ADGRB3: variants seen among roughly 807,000 people sequenced by gnomAD.
The protein encoded by ADGRB3 is adhesion G protein-coupled receptor B3.
In ADGRB3, 37 loss-of-function variants were observed where a neutral mutation model predicts 193.4. The observed-to-expected ratio is 0.19, with a 90% CI of 0.15 to 0.25. ADGRB3 has a LOEUF of 0.25. Among genes scored for constraint, ADGRB3 ranks in the 10% least tolerant of loss-of-function variants. The probability of loss-of-function intolerance (pLI) is 1.00; values close to 1 mark genes in which losing one functional copy is unlikely to be tolerated. For missense variants in ADGRB3, 1,637 were observed against 1,852.9 expected, an observed-to-expected ratio of 0.88 and a Z score of 2.14; for synonymous variants, 690 against 644.2, an observed-to-expected ratio of 1.07 and a Z score of -1.08.
chr6:68,649,215 T>C (rs544979896), intron 3 of ADGRB3, among the ~76,000 whole-genome samples: 8 of 152,270 alleles, frequency 5.3e-5, no homozygotes, highest in African/African-American at 1.9e-4. Flanking sequence ...TATTCAGACT[T>C]ATAAAGATCT....
At chr6:68,660,885 A>G (rs1289980257) in intron 3 of ADGRB3, among the ~76,000 whole-genome samples, 1 of 151,162 alleles carries the variant, frequency 6.6e-6, no homozygotes, top group Non-Finnish European at 1.5e-5. Context: ...CACAATTTAT[A>G]TGAAATAAGC....
chr6:69,294,444 A>G (rs982106712), intron 20 of ADGRB3, among the ~76,000 whole-genome samples: 6 of 152,068 alleles, frequency 3.9e-5, no homozygotes, highest in Non-Finnish European at 5.9e-5. Flanking sequence ...ATATTTCAAC[A>G]TGCCAAGCAG....
At chr6:69,034,221 A>G (rs936722123) in intron 13 of ADGRB3, among the ~76,000 whole-genome samples, 2 of 151,754 alleles carry the variant, frequency 1.3e-5, no homozygotes, top group Non-Finnish European at 2.9e-5. Context: ...CTTCCTCTCT[A>G]CTTTCTACAT....
chr6:69,355,968 T>A, intron 28 of ADGRB3, 108 bp downstream of exon 28: 1 of 937,452 alleles, frequency 1.1e-6, no homozygotes. Context: ...TATTGTTCTG[T>A]GAAAGGGCTG....
At chr6:69,067,066 T>A (rs1410058030) in intron 16 of ADGRB3, among the ~76,000 whole-genome samples, 1 of 152,106 alleles carries the variant, frequency 6.6e-6, no homozygotes, top group African/African-American at 2.4e-5. Context: ...AGCCTGAAAA[T>A]GCATACTTTT....
intron 3 of ADGRB3, among the ~76,000 whole-genome samples, chr6:68,888,733 T>C (rs1188879765): frequency 2.0e-5 from 3 of 152,142 alleles, no homozygotes; most frequent in African/African-American, 7.2e-5. Context: ...GGGTGGTCAT[T>C]GAAGAAGACT....
intron 13 of ADGRB3, among the ~76,000 whole-genome samples, chr6:69,034,392 T>C (rs1332281468): frequency 1.3e-5 from 2 of 151,542 alleles, no homozygotes; most frequent in Admixed American, 6.6e-5. Context: ...TTTAGAAATA[T>C]GGAATATTTA....
chr6:68,680,006 C>T (rs1191503747), intron 3 of ADGRB3, among the ~76,000 whole-genome samples: 1 of 152,058 alleles, frequency 6.6e-6, no homozygotes, highest in Non-Finnish European at 1.5e-5. Flanking sequence ...GATTAGCGCC[C>T]TTACAAAAGT....
intron 5 of ADGRB3, among the ~76,000 whole-genome samples, chr6:68,939,209 TTTAAA>T (rs1342874199): frequency 3.3e-5 from 5 of 152,160 alleles, no homozygotes; most frequent in East Asian, 1.9e-4. Context: ...CTTAAAGATT[TTTAAA>T]TTAAAGTTTT....
At chr6:69,164,857 T>A (rs1458940515) in intron 17 of ADGRB3, among the ~76,000 whole-genome samples, 1 of 152,068 alleles carries the variant, frequency 6.6e-6, no homozygotes. Context: ...CAAAGCTCTT[T>A]AAGGGCTTTC....
At chr6:69,130,651 A>C (rs1773984621) in intron 17 of ADGRB3, among the ~76,000 whole-genome samples, 1 of 151,150 alleles carries the variant, frequency 6.6e-6, no homozygotes, top group African/African-American at 2.4e-5. Flanking sequence ...GTCTTTTTTA[A>C]CTACACTGGT....
intron 17 of ADGRB3, among the ~76,000 whole-genome samples, chr6:69,123,906 G>GTTT (rs1453579818): frequency 6.6e-6 from 1 of 152,124 alleles, no homozygotes; most frequent in Non-Finnish European, 1.5e-5. Flanking sequence ...ATTACTTGGA[G>GTTT]TAAAGAACCA....
intron 17 of ADGRB3, among the ~76,000 whole-genome samples, chr6:69,218,635 G>T (rs960873792): frequency 6.6e-6 from 1 of 152,070 alleles, no homozygotes; most frequent in Non-Finnish European, 1.5e-5. Flanking sequence ...CCTGTTCTTT[G>T]TGCTTGACTT....
At chr6:69,096,262 G>A (rs778732354) in intron 17 of ADGRB3, among the ~76,000 whole-genome samples, 1 of 151,676 alleles carries the variant, frequency 6.6e-6, no homozygotes, top group Non-Finnish European at 1.5e-5. Context: ...TGATGCCTAA[G>A]ATCAGGTTTT....
At chr6:69,255,879 A>G (rs1461154198) in intron 20 of ADGRB3, among the ~76,000 whole-genome samples, 3 of 152,164 alleles carry the variant, frequency 2.0e-5, no homozygotes, top group African/African-American at 4.8e-5. Flanking sequence ...TAATTTTTGT[A>G]TAAGGTGTAA....
intron 17 of ADGRB3, among the ~76,000 whole-genome samples, chr6:69,150,963 G>T (rs1774658663): frequency 6.6e-6 from 1 of 152,204 alleles, no homozygotes; most frequent in South Asian, 2.1e-4. Context: ...TATTGTGGCT[G>T]AGCTAGCATC....
chr6:69,064,538 T>C (rs1277203102), intron 16 of ADGRB3, among the ~76,000 whole-genome samples: 4 of 152,076 alleles, frequency 2.6e-5, no homozygotes, highest in African/African-American at 9.7e-5. Flanking sequence ...TTTTAACTTC[T>C]GAACATTTGC....
chr6:69,072,830 A>C (rs376525770), intron 16 of ADGRB3, among the ~76,000 whole-genome samples: 1 of 152,190 alleles, frequency 6.6e-6, no homozygotes, highest in Admixed American at 6.5e-5. Context: ...TAACTTTATG[A>C]CAGCATTTTG....
chr6:68,838,201 A>T (rs1326013757), intron 3 of ADGRB3, among the ~76,000 whole-genome samples: 1 of 152,122 alleles, frequency 6.6e-6, no homozygotes, highest in Admixed American at 6.6e-5. Flanking sequence ...TAGAACCTTC[A>T]TGCATTATCA....
Sources: allele counts gnomAD v4.1 joint callset (sites outside exome capture counted in the v4.1 genomes callset), GRCh38; gene constraint gnomAD v4.1.1; transcripts MANE v1.5; gene names NCBI Gene and HGNC (gene_info 2026-07-23, HGNC 2026-07-21).